Variants in LDLRAD4 observed in about 807,000 individuals in gnomAD.
The protein encoded by LDLRAD4 is low-density lipoprotein receptor class A domain-containing protein 4.
In LDLRAD4, 5 loss-of-function variants were observed where a neutral mutation model predicts 17.0. That is an observed-to-expected ratio of 0.29 (90% CI 0.15 to 0.62). LDLRAD4 has a LOEUF of 0.62. Among genes scored for constraint, LDLRAD4 ranks in the 20% least tolerant of loss-of-function variants. The probability of loss-of-function intolerance (pLI) is 0.84; values close to 1 mark genes in which losing one functional copy is unlikely to be tolerated. For missense variants in LDLRAD4, 340 were observed against 424.7 expected (o/e 0.80, Z 1.75); for synonymous variants, 168 against 171.8 (o/e 0.98, Z 0.17).
intron 3 of LDLRAD4, among the ~76,000 whole-genome samples, chr18:13,461,690 T>G (rs971503320): frequency 6.6e-6 from 1 of 152,186 alleles, no homozygotes; most frequent in African/African-American, 2.4e-5. Flanking sequence ...TGGCCTTTGA[T>G]CAGTCTGATT....
chr18:13,554,005 A>G (rs2094460205), intron 3 of LDLRAD4, among the ~76,000 whole-genome samples: 2 of 152,010 alleles, frequency 1.3e-5, no homozygotes, highest in Non-Finnish European at 2.9e-5. Context: ...AGTATGTTTT[A>G]TTTCTTCTAA....
At position 13,316,530 on chromosome 18, in the gene LDLRAD4, G is replaced by A. The variant is rs1489965010; in HGVS notation, c.-383+38342G>A. Reference sequence around the variant, plus strand: ...AATGTAGGAGGGAATGCAGAGCCACGTAAACAGCAAAGCCACGGGTGGTTC... The same window carrying A: ...AATGTAGGAGGGAATGCAGAGCCACATAAACAGCAAAGCCACGGGTGGTTC... On this transcript the variant is annotated intron_variant, in intron 1 of 5. Coordinates refer to ENST00000359446, the Ensembl canonical transcript of LDLRAD4. 3.3e-5 allele frequency among the ~76,000 whole-genome samples: 5 copies of A among 152,170 alleles called. No homozygotes were observed. The South Asian group carries it at 6.2e-4, about 19-fold the overall frequency.
chr18:13,500,209 G>A (rs1445059596), intron 3 of LDLRAD4, among the ~76,000 whole-genome samples: 1 of 152,212 alleles, frequency 6.6e-6, no homozygotes, highest in Non-Finnish European at 1.5e-5. Context: ...GACCCTCTCA[G>A]CAGCTAGCCA....
chr18:13,227,876 T>A (rs1279758843), intron 1 of LDLRAD4, among the ~76,000 whole-genome samples: 1 of 152,148 alleles, frequency 6.6e-6, no homozygotes, highest in African/African-American at 2.4e-5. Context: ...GATTACAATT[T>A]GGATTACAAT....
At chr18:13,484,522 G>A (rs542003971) in intron 3 of LDLRAD4, among the ~76,000 whole-genome samples, 1 of 152,320 alleles carries the variant, frequency 6.6e-6, no homozygotes, top group East Asian at 1.9e-4. Flanking sequence ...TGAAGTGGGA[G>A]CCTCTGTTGC....
intron 1 of LDLRAD4, among the ~76,000 whole-genome samples, chr18:13,272,481 G>A (rs1567955051): frequency 6.6e-6 from 1 of 152,170 alleles, no homozygotes. Context: ...TTCTATTTGG[G>A]GAGAAGAACA....
intron 3 of LDLRAD4, among the ~76,000 whole-genome samples, chr18:13,548,473 A>G (rs2148039909): frequency 6.6e-6 from 1 of 152,348 alleles, no homozygotes; most frequent in South Asian, 2.1e-4. Context: ...GAAGGGGCCA[A>G]GGGCAAGGGG....
intron 3 of LDLRAD4, among the ~76,000 whole-genome samples, chr18:13,568,701 A>T (rs1054786953): frequency 8.5e-5 from 13 of 152,148 alleles, no homozygotes; most frequent in Admixed American, 3.3e-4. Flanking sequence ...CACGCCCCAC[A>T]TCAGGACCTG....
chr18:13,600,348 C>T (rs1016902534), intron 3 of LDLRAD4, among the ~76,000 whole-genome samples: 5 of 152,088 alleles, frequency 3.3e-5, no homozygotes, highest in Non-Finnish European at 7.3e-5. Context: ...CTGAAGTGTG[C>T]AAGACATTGA....
At chr18:13,376,448 T>G (rs1280412846) in intron 1 of LDLRAD4, among the ~76,000 whole-genome samples, 1 of 152,096 alleles carries the variant, frequency 6.6e-6, no homozygotes, top group African/African-American at 2.4e-5. Flanking sequence ...TTATATTCCC[T>G]CTTGCCAGCG....
chr18:13,610,282 TTTTTTTTTTTTTTTTTTTTTTTTG>T (rs988763128), intron 3 of LDLRAD4, among the ~76,000 whole-genome samples: 8 of 49,462 alleles, frequency 1.6e-4, no homozygotes, highest in South Asian at 8.2e-4. Flanking sequence ...TTTTTTTTTT[TTTTTTTTTTTTTTTTTTTTTTTTG>T]AGACGGAGTC....
chr18:13,269,703 G>A (rs1224904919), intron 1 of LDLRAD4, among the ~76,000 whole-genome samples: 1 of 152,212 alleles, frequency 6.6e-6, no homozygotes, highest in African/African-American at 2.4e-5. Flanking sequence ...TGAGTCGGCA[G>A]TGTGGGAGTT....
chr18:13,363,716 A>C (rs2083858377), intron 1 of LDLRAD4, among the ~76,000 whole-genome samples: 1 of 152,220 alleles, frequency 6.6e-6, no homozygotes, highest in African/African-American at 2.4e-5. Context: ...AGGAGGAGTA[A>C]TGTAATAAAA....
chr18:13,640,158 TG>T (rs1440194223), intron 4 of LDLRAD4, among the ~76,000 whole-genome samples: 12 of 152,026 alleles, frequency 7.9e-5, no homozygotes, highest in African/African-American at 2.7e-4. Flanking sequence ...CTGGGTGTGG[TG>T]GCGGGCGCCT....
At chr18:13,416,196 G>T (rs775115272) in intron 2 of LDLRAD4, among the ~76,000 whole-genome samples, 1 of 152,214 alleles carries the variant, frequency 6.6e-6, no homozygotes, top group African/African-American at 2.4e-5. Context: ...AGTGGGCCCA[G>T]TGATGCCCAG....
intron 3 of LDLRAD4, among the ~76,000 whole-genome samples, chr18:13,577,626 G>A (rs573269622): frequency 1.3e-4 from 20 of 152,302 alleles, no homozygotes; most frequent in Middle Eastern, 3.4e-3. Flanking sequence ...ACGCAAAAGC[G>A]AAGGGAGAGG....
chr18:13,436,326 C>A (rs2090653130), intron 2 of LDLRAD4, among the ~76,000 whole-genome samples: 1 of 152,190 alleles, frequency 6.6e-6, no homozygotes. Flanking sequence ...GAATTCATTT[C>A]CTTGCAAGCA....
intron 1 of LDLRAD4, among the ~76,000 whole-genome samples, chr18:13,303,645 T>C (rs111752481): frequency 4.6e-5 from 7 of 152,212 alleles, no homozygotes; most frequent in African/African-American, 1.7e-4. Flanking sequence ...ACTTTCCTTT[T>C]GATGAAAGAA....
intron 3 of LDLRAD4, among the ~76,000 whole-genome samples, chr18:13,573,325 G>C (rs949195598): frequency 6.6e-6 from 1 of 150,722 alleles, no homozygotes; most frequent in African/African-American, 2.5e-5. Context: ...GGGTGGTCTC[G>C]AACTCCTGGC....
Sources: gnomAD v4.1 joint callset for allele counts (sites outside exome capture counted in the v4.1 genomes callset) on GRCh38, gnomAD v4.1.1 for gene constraint, MANE v1.5 for transcripts, NCBI Gene and HGNC (gene_info 2026-07-23, HGNC 2026-07-21) for gene names.